ASPH: variants seen among roughly 807,000 people sequenced by gnomAD.
ASPH encodes the protein aspartate beta-hydroxylase.
ASPH carries 100 observed loss-of-function variants against 118.4 expected under a neutral mutation model. The observed-to-expected ratio is 0.84, with a 90% CI of 0.72 to 1.00. The LOEUF (loss-of-function observed/expected upper bound fraction) is 1.00. Ranked by LOEUF, ASPH falls within the 50% of genes least tolerant of loss-of-function variation. The pLI is 0.00. For missense variants in ASPH, 920 were observed against 919.5 expected, an observed-to-expected ratio of 1.00 and a Z score of -0.01; for synonymous variants, 315 against 325.6, an observed-to-expected ratio of 0.97 and a Z score of 0.35.
At chr8:61,512,228 A>T (rs1016864815) in intron 24 of ASPH, among the ~76,000 whole-genome samples, 3 of 152,170 alleles carry the variant, frequency 2.0e-5, no homozygotes, top group African/African-American at 7.2e-5. Flanking sequence ...AAAACGATAG[A>T]TCCATCTGGA....
intron 20 of ASPH, among the ~76,000 whole-genome samples, chr8:61,550,981 AT>A: frequency 6.6e-6 from 1 of 152,312 alleles, no homozygotes; most frequent in South Asian, 2.1e-4. Context: ...CGGGAATATC[AT>A]TGAATGAGAG....
Position 61,500,879 on chromosome 8 carries a change from G to C in ASPH, c.*2480C>G, listed in dbSNP as rs946776945. 3.3e-5 allele frequency: 5 copies of C among 152,194 alleles called. No homozygotes were observed. The highest frequency in any genetic ancestry group is 6.9e-3 in the Middle Eastern group (2 of 290). The allele number at this position is 152,194 out of a possible 1,614,324, so 9.4% of individuals were successfully genotyped here. On this transcript the variant is annotated 3_prime_UTR_variant, in exon 25 of 25. Transcript: ENST00000379454. ...TGTTAGCTAAATAATTCAAGGGAAAGAGATTATTCAACTGGTCATAATCAC... is the reference window on the plus strand; with the variant it reads ...TGTTAGCTAAATAATTCAAGGGAAACAGATTATTCAACTGGTCATAATCAC...
At chr8:61,517,952 C>G in intron 23 of ASPH, 80 bp downstream of exon 23, 1 of 1,402,504 alleles carries the variant, frequency 7.1e-7, no homozygotes, top group African/African-American at 1.4e-5. Flanking sequence ...CCAAAGGAAA[C>G]AACCATTTCT....
intron 20 of ASPH, among the ~76,000 whole-genome samples, chr8:61,552,486 A>C (rs896346953): frequency 2.0e-5 from 3 of 152,222 alleles, no homozygotes; most frequent in East Asian, 1.9e-4. Flanking sequence ...CTTGGTATTA[A>C]ATATTTCAGA....
At position 61,638,254 on chromosome 8, in the gene ASPH, G is replaced by A. The variant is rs1312589868; in HGVS notation, c.832+68C>T. 3.7e-5 allele frequency: 57 copies of A among 1,538,028 alleles called. 1 individual carries two copies. In the South Asian group the frequency reaches 6.4e-4, roughly 17 times the overall value. The stretch of plus-strand genomic sequence containing the variant: ...TCTACACTGACTCTTTGTTCCACAG[G>A]TAGGAGTTTTAACAAAATACAGGGA... On this transcript the variant is annotated intron_variant, in intron 11 of 24. Transcript: ENST00000379454.
intron 14 of ASPH, among the ~76,000 whole-genome samples, chr8:61,598,712 T>G (rs1299818781): frequency 6.6e-6 from 1 of 152,232 alleles, no homozygotes. Flanking sequence ...TGTCAGCACT[T>G]GGAACATTCT....
intron 10 of ASPH, 26 bp downstream of exon 10, chr8:61,642,862 A>AAAAAAAAAAAAAAAAAAAAAAAAAAAAC: frequency 6.5e-7 from 1 of 1,529,062 alleles, no homozygotes; most frequent in Non-Finnish European, 8.8e-7. Context: ...AAAAAGAAAA[A>AAAAAAAAAAAAAAAAAAAAAAAAAAAAC]AAAAAAAAAG....
intron 3 of ASPH, among the ~76,000 whole-genome samples, chr8:61,679,959 C>A (rs5011769): frequency 0.82 from 114,631 of 139,760 alleles, 46,588 homozygotes; most frequent in African/African-American, 0.84. Flanking sequence ...AAAAAAAAAA[C>A]AAAAAACACC....
At chr8:61,638,515 G>T in intron 10 of ASPH, 152 bp from the exon 11 acceptor site, 2 of 669,732 alleles carry the variant, frequency 3.0e-6, no homozygotes, top group Non-Finnish European at 5.0e-6. Flanking sequence ...GTAGGGTGGA[G>T]AAGAGTTTGG....
chr8:61,675,865 G>A (rs757565899), intron 3 of ASPH: 61 of 1,368,770 alleles, frequency 4.5e-5, no homozygotes, highest in Non-Finnish European at 5.4e-5. Context: ...CAAGAATGAG[G>A]AGTACCATTT....
At chr8:61,545,236 A>T (rs1823383576) in intron 21 of ASPH, among the ~76,000 whole-genome samples, 1 of 152,246 alleles carries the variant, frequency 6.6e-6, no homozygotes, top group Non-Finnish European at 1.5e-5. Context: ...AAAAAGCCTC[A>T]GAGAGCTGCC....
At chr8:61,631,122 T>C (rs1199788205) in intron 13 of ASPH, among the ~76,000 whole-genome samples, 1 of 152,250 alleles carries the variant, frequency 6.6e-6, no homozygotes, top group Non-Finnish European at 1.5e-5. Context: ...TTTAAACTAA[T>C]TTTTATTACA....
At chr8:61,710,528 A>G (rs1422586995) in intron 1 of ASPH, among the ~76,000 whole-genome samples, 1 of 152,250 alleles carries the variant, frequency 6.6e-6, no homozygotes, top group Non-Finnish European at 1.5e-5. Context: ...ACAGACCACC[A>G]GAGGTTAACT....
At chr8:61,667,563 C>T (rs1238020882) in intron 3 of ASPH, among the ~76,000 whole-genome samples, 2 of 152,238 alleles carry the variant, frequency 1.3e-5, no homozygotes, top group East Asian at 3.9e-4. Context: ...GACAGGGTTT[C>T]ACCATATTGC....
At chr8:61,523,893 C>T (rs1489212967) in intron 22 of ASPH, among the ~76,000 whole-genome samples, 2 of 152,096 alleles carry the variant, frequency 1.3e-5, no homozygotes, top group African/African-American at 2.4e-5. Flanking sequence ...GAGTTCAAGA[C>T]CAGCCTGGGC....
At chr8:61,652,865 T>C (rs932805790) in intron 4 of ASPH, among the ~76,000 whole-genome samples, 1 of 152,142 alleles carries the variant, frequency 6.6e-6, no homozygotes, top group African/African-American at 2.4e-5. Context: ...AATCAAATAT[T>C]ATTCCTCAGC....
At chr8:61,703,884 G>C (rs1190630186) in intron 1 of ASPH, among the ~76,000 whole-genome samples, 2 of 152,250 alleles carry the variant, frequency 1.3e-5, no homozygotes, top group East Asian at 1.9e-4. Context: ...TGTATAGCTA[G>C]AGTAATCAAG....
At chr8:61,682,445 G>A in intron 2 of ASPH, 1 of 1,612,684 alleles carries the variant, frequency 6.2e-7, no homozygotes, top group Non-Finnish European at 8.5e-7. Flanking sequence ...CTACCTTGAA[G>A]CACCTCTGAT....
At chr8:61,689,579 G>T in intron 1 of ASPH, 1 of 1,300,680 alleles carries the variant, frequency 7.7e-7, no homozygotes, top group Non-Finnish European at 1.1e-6. Context: ...AAAGCACTTA[G>T]CCAAAAATAT....
Sources: gnomAD v4.1 joint callset for allele counts (sites outside exome capture counted in the v4.1 genomes callset) on GRCh38, gnomAD v4.1.1 for gene constraint, MANE v1.5 for transcripts, NCBI Gene and HGNC (gene_info 2026-07-23, HGNC 2026-07-21) for gene names.